The following ABHD18 variants were observed in gnomAD, a reference collection of about 807,000 sequenced individuals.
ABHD18 encodes the protein abhydrolase domain containing 18, also known as cardiolipin-specific deacylase, mitochondrial.
In ABHD18, 55 loss-of-function variants were observed where a neutral mutation model predicts 65.9. The ratio of observed to expected loss-of-function variants is 0.84; its 90% CI spans 0.67 to 1.05. The LOEUF (loss-of-function observed/expected upper bound fraction) is 1.05. Ranked by LOEUF, ABHD18 falls within the 50% of genes least tolerant of loss-of-function variation. The pLI, the probability that ABHD18 is intolerant of heterozygous loss-of-function variation, is 0.00. For missense variants in ABHD18, 533 were observed against 558.5 expected (o/e 0.95, Z 0.46); for synonymous variants, 181 against 180.2 (o/e 1.00, Z -0.04).
chr4:128,016,796 T>A (rs777734453), intron 7 of ABHD18, among the ~76,000 whole-genome samples: 1 of 152,210 alleles, frequency 6.6e-6, no homozygotes, highest in African/African-American at 2.4e-5. Context: ...TAAAAAGTTA[T>A]GCTTTAAATT....
intron 4 of ABHD18, chr4:128,001,693 G>A (rs1166784621): frequency 8.4e-6 from 13 of 1,539,888 alleles, no homozygotes; most frequent in African/African-American, 2.8e-5. Flanking sequence ...GAAGGTTTTG[G>A]TGTGTTCTTT....
At position 128,009,088 on chromosome 4, in the gene ABHD18, T is replaced by C. The variant is rs749130165; in HGVS notation, c.358-19T>C. Reference sequence around the variant, plus strand: ...TGGCTACTATATTCTTTTGAGTATGTGTTCTTTTCTTTCCTTAGCATTACT... The same window carrying C: ...TGGCTACTATATTCTTTTGAGTATGCGTTCTTTTCTTTCCTTAGCATTACT... On this transcript the variant is annotated intron_variant, in intron 5 of 12. Coordinates refer to ENST00000645843, the MANE Select transcript of ABHD18 (RefSeq NM_001358451.3). 14 of 1,585,132 alleles carry C rather than the reference T, an allele frequency of 8.8e-6. No individual in the cohort carries two copies. The highest frequency in any genetic ancestry group is 1.2e-5 in the Non-Finnish European group (14 of 1,170,834).
At chr4:127,977,849 A>C (rs772993890) in intron 1 of ABHD18, among the ~76,000 whole-genome samples, 47 of 152,274 alleles carry the variant, frequency 3.1e-4, no homozygotes, top group Middle Eastern at 3.4e-3. Flanking sequence ...AGTTATCACA[A>C]ATACTAAATA....
In ABHD18 at chr4:128,007,907, C is replaced by T. The variant is rs139049687; in HGVS notation, c.279-1013C>T. ...ACAACATAAACTCTTATTGATATAT[C>T]AACAGCTTGTACAGCCAAGCATTTC... On this transcript the variant is annotated intron_variant, in intron 4 of 12. Coordinates refer to ENST00000645843, the MANE Select transcript of ABHD18 (RefSeq NM_001358451.3). 4.4e-3 allele frequency among the ~76,000 whole-genome samples: 664 copies of T among 152,132 alleles called. 4 individuals are homozygous for T. The highest frequency in any genetic ancestry group is 0.01 in the Middle Eastern group (3 of 294).
chr4:127,976,339 CAATT>C (rs1180455561), intron 1 of ABHD18, among the ~76,000 whole-genome samples: 10 of 151,852 alleles, frequency 6.6e-5, no homozygotes, highest in African/African-American at 2.4e-4. Context: ...CTTTGAATCT[CAATT>C]AAGCAAACGC....
intron 1 of ABHD18, among the ~76,000 whole-genome samples, chr4:127,975,469 C>G (rs917881368): frequency 3.3e-5 from 5 of 152,192 alleles, no homozygotes; most frequent in African/African-American, 9.6e-5. Flanking sequence ...CATGTTGTAT[C>G]ATGTGCCAGA....
chr4:128,002,607 G>GA (rs1295544834), intron 4 of ABHD18, among the ~76,000 whole-genome samples: 5 of 144,018 alleles, frequency 3.5e-5, no homozygotes, highest in Non-Finnish European at 3.1e-5. Context: ...AAAAGAAAAA[G>GA]AAAAAAAAAA....
chr4:127,989,805 G>T lies in ABHD18; in HGVS notation c.262G>T (p.Glu88Ter), dbSNP rs1015238270. The change falls in exon 4 of 13, where the codon GAA (glutamate) becomes TAA (stop). Residue 88 changes from glutamate (E) to a stop codon, truncating the protein, a stop_gained. Transcript: ENST00000645843. LOFTEE classifies it high-confidence loss of function. ...CTATGTGCCTGATATCATGCCAATT[G>T]AATCTGTTATTGCAAGGTAAGAATT... ...AHYVPDIMPI[E>*]SVIARFQFIV... 9.5e-6 allele frequency: 15 copies of T among 1,584,864 alleles called. No individual in the cohort carries two copies. Among genetic ancestry groups the T allele is most frequent in the Non-Finnish European group, 1.3e-5 (15 of 1,164,972 alleles).
intron 4 of ABHD18, among the ~76,000 whole-genome samples, chr4:127,998,299 T>TTTTG (rs1752085342): frequency 6.7e-6 from 1 of 149,956 alleles, no homozygotes; most frequent in Non-Finnish European, 1.5e-5. Flanking sequence ...TTTTTTTTTT[T>TTTTG]TGAGATGGAG....
intron 4 of ABHD18, among the ~76,000 whole-genome samples, chr4:127,996,925 C>T (rs1036541768): frequency 6.6e-6 from 1 of 152,184 alleles, no homozygotes; most frequent in African/African-American, 2.4e-5. Flanking sequence ...CGCTGTTGTT[C>T]TGTTCTTTTT....
intron 9 of ABHD18, 75 bp from the exon 10 acceptor site, chr4:128,021,062 A>T: frequency 1.2e-6 from 1 of 856,692 alleles, no homozygotes; most frequent in South Asian, 2.0e-5. Flanking sequence ...GTAGTCTCAC[A>T]CAGTAATAAT....
intron 1 of ABHD18, among the ~76,000 whole-genome samples, chr4:127,975,878 T>G (rs1196121772): frequency 6.6e-6 from 1 of 152,156 alleles, no homozygotes; most frequent in Non-Finnish European, 1.5e-5. Flanking sequence ...CAGGCTAGAG[T>G]GCAGTGGTAC....
chr4:128,009,006 T>C lies in ABHD18; in HGVS notation c.357+8T>C. On this transcript the variant is annotated splice_region_variant and intron_variant, in intron 5 of 12. Coordinates refer to ENST00000645843, the MANE Select transcript of ABHD18 (RefSeq NM_001358451.3). Reference sequence around the variant, plus strand: ...GCTGGAACAGGAGATCATGTAAGACTTTATTATAATGCCTTAATCTCTAGA... The same window carrying C: ...GCTGGAACAGGAGATCATGTAAGACCTTATTATAATGCCTTAATCTCTAGA... 6.2e-7 allele frequency: 1 copy of C among 1,604,728 alleles called. No homozygotes were observed. Among genetic ancestry groups the C allele is most frequent in the Non-Finnish European group, 8.5e-7 (1 of 1,174,908 alleles).
At chr4:128,005,973 A>G (rs916933884) in intron 4 of ABHD18, among the ~76,000 whole-genome samples, 5 of 152,220 alleles carry the variant, frequency 3.3e-5, no homozygotes, top group African/African-American at 9.6e-5. Flanking sequence ...CAAAAGCTCA[A>G]CAGAATCTAA....
At chr4:128,030,777 A>G (rs1455082030) in intron 12 of ABHD18, 105 bp downstream of exon 12, 3 of 1,457,956 alleles carry the variant, frequency 2.1e-6, no homozygotes, top group Non-Finnish European at 2.7e-6. Context: ...GTCTGTTTCA[A>G]TCTTTGAATT....
intron 3 of ABHD18, 44 bp downstream of exon 3, chr4:127,984,467 C>A: frequency 8.8e-7 from 1 of 1,139,416 alleles, no homozygotes; most frequent in Non-Finnish European, 1.3e-6. Context: ...TGTGGTTTGA[C>A]ATAAATATGT....
At chr4:127,990,496 G>A (rs879578528) in intron 4 of ABHD18, among the ~76,000 whole-genome samples, 1 of 152,064 alleles carries the variant, frequency 6.6e-6, no homozygotes, top group South Asian at 2.1e-4. Flanking sequence ...CCCAGGAGGC[G>A]GAGGTTGCAG....
chr4:128,021,034 CAAA>C (rs398064025), intron 9 of ABHD18, 100 bp from the exon 10 acceptor site: 3,525 of 443,512 alleles, frequency 7.9e-3, no homozygotes, highest in South Asian at 0.013. Flanking sequence ...ACTTCGTCTG[CAAA>C]AAAAAAAAAA....
chr4:127,983,874 T>TA (rs1468084110), intron 2 of ABHD18, among the ~76,000 whole-genome samples: 1 of 149,670 alleles, frequency 6.7e-6, no homozygotes, highest in East Asian at 2.0e-4. Context: ...ATAAAAAAAA[T>TA]AAAAAAATAC....
Sources: allele counts gnomAD v4.1 joint callset (sites outside exome capture counted in the v4.1 genomes callset), GRCh38; gene constraint gnomAD v4.1.1; transcripts MANE v1.5; gene names NCBI Gene and HGNC (gene_info 2026-07-23, HGNC 2026-07-21).